Variants in WDHD1 observed in about 807,000 individuals in gnomAD.
WDHD1 encodes the protein WD repeat and HMG-box DNA-binding protein 1.
A neutral mutation model predicts 135.4 loss-of-function variants in WDHD1; 111 were observed. The observed-to-expected ratio is 0.82, with a 90% CI of 0.70 to 0.96. The LOEUF is 0.96. WDHD1 is among the 40% of genes least tolerant of loss of function. The pLI is 0.00. For synonymous variants in WDHD1, 434 were observed against 439.0 expected (o/e 0.99, Z 0.14); for missense variants, 1,351 against 1,336.3 (o/e 1.01, Z -0.17).
chr14:55,008,240 T>C (rs754596318), intron 6 of WDHD1, 76 bp downstream of exon 6: 171 of 1,363,932 alleles, frequency 1.3e-4, no homozygotes, highest in Non-Finnish European at 1.7e-4. Context: ...ATTATTAATT[T>C]GGCCCAGTAA....
chr14:54,975,628 C>G (rs568354154), intron 16 of WDHD1, among the ~76,000 whole-genome samples: 1 of 151,986 alleles, frequency 6.6e-6, no homozygotes, highest in African/African-American at 2.4e-5. Context: ...GGATTACAGG[C>G]GTGAGCCACT....
At chr14:54,951,411 A>AT (rs1397563419) in intron 24 of WDHD1, among the ~76,000 whole-genome samples, 1 of 152,166 alleles carries the variant, frequency 6.6e-6, no homozygotes, top group Non-Finnish European at 1.5e-5. Context: ...ACATGGATAA[A>AT]TTCCTGGACA....
At chr14:54,991,969 TCAGGC>T (rs2041799951) in intron 11 of WDHD1, among the ~76,000 whole-genome samples, 1 of 152,152 alleles carries the variant, frequency 6.6e-6, no homozygotes, top group Non-Finnish European at 1.5e-5. Flanking sequence ...ATTTGAGCTT[TCAGGC>T]CAGGCACGGT....
chr14:54,945,997 C>T (rs1363748762), intron 24 of WDHD1, among the ~76,000 whole-genome samples: 1 of 152,110 alleles, frequency 6.6e-6, no homozygotes, highest in Non-Finnish European at 1.5e-5. Context: ...TGAAAATATG[C>T]AAATTTTAAG....
chr14:54,945,089 T>C (rs2040901247), intron 24 of WDHD1, among the ~76,000 whole-genome samples: 1 of 152,214 alleles, frequency 6.6e-6, no homozygotes, highest in Non-Finnish European at 1.5e-5. Flanking sequence ...TTAGCCCTTG[T>C]GGCCTACCAC....
Position 54,960,586 on chromosome 14 carries a change from C to T in WDHD1, c.2701+1912G>A, listed in dbSNP as rs189976628. On this transcript the variant is annotated intron_variant, in intron 21 of 25. Transcript: ENST00000360586. The stretch of plus-strand genomic sequence containing the variant: ...GTGATCTCCACTTACTGCAACTCCC[C>T]ACTCCTGGATTCAAGCAATTCTCCT... Among the ~76,000 whole-genome samples, 290 of 146,902 alleles carry T rather than the reference C, an allele frequency of 2.0e-3. 1 individual carries two copies. The highest frequency in any genetic ancestry group is 6.7e-3 in the African/African-American group (264 of 39,562).
rs2042090286 is a variant in WDHD1, at chr14:55,007,315, T to C, written c.565A>G (p.Ile189Val). The C allele has an allele frequency of 3.7e-6, 6 of 1,607,264 alleles. No homozygotes were observed. The highest frequency in any genetic ancestry group is 4.2e-6 in the Non-Finnish European group (5 of 1,178,214). Reference protein sequence around the residue: ...KCNDVINAKSICRLAWQPKSG... With the variant: ...KCNDVINAKSVCRLAWQPKSG... ...TTTGGCTGCCAAGCAAGTCTGCAGA[T>C]TGATTTTGCATTTATCACATCGTTG... Residue 189 changes from isoleucine to valine, a missense_variant, in exon 7 of 26, where the codon ATC (isoleucine) becomes GTC (valine). By Grantham distance (29) the Ile-to-Val change is conservative. This residue lies in a region of WDHD1 where 1,330 missense variants were observed against 1,296.1 expected (regional missense o/e 1.03). Transcript: ENST00000360586.
At chr14:54,950,400 C>A (rs959525461) in intron 24 of WDHD1, among the ~76,000 whole-genome samples, 1 of 152,026 alleles carries the variant, frequency 6.6e-6, no homozygotes, top group African/African-American at 2.4e-5. Flanking sequence ...ACAAAGAAGG[C>A]CATTACATAA....
chr14:54,954,387 T>C (rs2041116412), intron 24 of WDHD1, among the ~76,000 whole-genome samples: 2 of 152,210 alleles, frequency 1.3e-5, no homozygotes, highest in African/African-American at 4.8e-5. Flanking sequence ...CAAATAGGAA[T>C]ACTCATATTG....
chr14:55,023,947 T>G (rs1362085691), intron 2 of WDHD1, among the ~76,000 whole-genome samples: 1 of 152,220 alleles, frequency 6.6e-6, no homozygotes, highest in Non-Finnish European at 1.5e-5. Flanking sequence ...TATAATAGAT[T>G]TGTGTATATT....
intron 15 of WDHD1, among the ~76,000 whole-genome samples, chr14:54,983,516 T>C (rs779566656): frequency 9.2e-5 from 14 of 151,656 alleles, no homozygotes; most frequent in Non-Finnish European, 8.8e-5. Context: ...CTATTAAAAA[T>C]ACAAAAATTA....
chr14:54,998,032 T>G (rs1157456526), intron 10 of WDHD1, among the ~76,000 whole-genome samples: 1 of 151,472 alleles, frequency 6.6e-6, no homozygotes, highest in Non-Finnish European at 1.5e-5. Flanking sequence ...GCTAACATGG[T>G]GAAACCCTGT....
chr14:55,021,051 A>G (rs1033412045), intron 2 of WDHD1, among the ~76,000 whole-genome samples: 2 of 152,146 alleles, frequency 1.3e-5, no homozygotes, highest in African/African-American at 4.8e-5. Flanking sequence ...GAGGAAGTAG[A>G]GGAGGAGGCA....
At chr14:54,999,456 A>T (rs1327877442) in intron 10 of WDHD1, among the ~76,000 whole-genome samples, 1 of 152,190 alleles carries the variant, frequency 6.6e-6, no homozygotes, top group Admixed American at 6.5e-5. Context: ...AGAAGCACCT[A>T]GTGCTACCAA....
intron 25 of WDHD1, among the ~76,000 whole-genome samples, chr14:54,942,229 C>T (rs1358578453): frequency 2.0e-5 from 3 of 150,786 alleles, no homozygotes; most frequent in South Asian, 2.1e-4. Flanking sequence ...CCAGCCTGGG[C>T]GAGAGCAAGA....
At chr14:54,979,275 T>A (rs527702125) in intron 16 of WDHD1, among the ~76,000 whole-genome samples, 1 of 150,914 alleles carries the variant, frequency 6.6e-6, no homozygotes, top group South Asian at 2.1e-4. Flanking sequence ...TCTTAGCCTC[T>A]CAAGTAGCAG....
At chr14:55,008,177 A>G in intron 6 of WDHD1, 139 bp downstream of exon 6, 1 of 746,538 alleles carries the variant, frequency 1.3e-6, no homozygotes, top group Non-Finnish European at 2.1e-6. Flanking sequence ...GTGGACTTTG[A>G]TCACAAAAAC....
chr14:55,007,201 A>G (rs2042085794), intron 7 of WDHD1, 79 bp downstream of exon 7: 2 of 1,162,706 alleles, frequency 1.7e-6, no homozygotes, highest in Non-Finnish European at 2.4e-6. Context: ...GCACTCCAGC[A>G]TGGGAGACAG....
At chr14:55,019,249 T>C (rs775477580) in intron 2 of WDHD1, among the ~76,000 whole-genome samples, 1 of 152,232 alleles carries the variant, frequency 6.6e-6, no homozygotes, top group East Asian at 1.9e-4. Flanking sequence ...CTTACATATG[T>C]TAACATTTAG....
Sources: allele counts gnomAD v4.1 joint callset (sites outside exome capture counted in the v4.1 genomes callset), GRCh38; gene constraint gnomAD v4.1.1; regional missense constraint gnomAD v4.1.1; transcripts MANE v1.5; gene names NCBI Gene and HGNC (gene_info 2026-07-23, HGNC 2026-07-21).